TAF7L: variants seen among roughly 807,000 people sequenced by gnomAD.
TAF7L encodes transcription initiation factor TFIID subunit 7-like.
Under a neutral mutation model 30.2 loss-of-function variants are expected in TAF7L, and 6 were observed. That is an observed-to-expected ratio of 0.20 (90% CI 0.11 to 0.39). TAF7L has a LOEUF of 0.39. TAF7L is among the 10% of genes least tolerant of loss of function. The pLI is 1.00. For synonymous variants in TAF7L, 93 were observed against 94.5 expected, an observed-to-expected ratio of 0.98 and a Z score of 0.09; for missense variants, 284 against 277.1, an observed-to-expected ratio of 1.03 and a Z score of -0.18.
intron 3 of TAF7L, 27 bp from the exon 4 acceptor site, chrX:101,283,610 A>G (rs372018977): frequency 8.3e-7 from 1 of 1,206,162 alleles, no homozygotes; most frequent in South Asian, 1.8e-5. Context: ...ATTAAAGTTG[A>G]TATCTTCCCA....
intron 2 of TAF7L, 82 bp from the exon 3 acceptor site, chrX:101,286,735 C>G (rs1440729519): frequency 7.0e-6 from 5 of 716,345 alleles, no homozygotes; most frequent in Non-Finnish European, 8.3e-6. Flanking sequence ...AAAGAAAGCC[C>G]TCCCTTAAAT....
rs368056727 is a variant in TAF7L, at chrX:101,277,451, C to CAAAAAAAAAAAAAAA, written c.691+140_691+154dup. On this transcript the variant is annotated intron_variant, in intron 9 of 12. Coordinates refer to ENST00000356784, the MANE Select transcript of TAF7L (RefSeq NM_001168474.2). ...TGGGCGACAGAGCAAGACTCCATCTCAAAAAAAAAAAAAAAAAAAGAGGGA... is the reference window on the plus strand; with the variant it reads ...TGGGCGACAGAGCAAGACTCCATCTCAAAAAAAAAAAAAAAAAAAAAAAAAAAAAAAAAAGAGGGA... Among the ~76,000 whole-genome samples the CAAAAAAAAAAAAAAA allele has an allele frequency of 2.0e-3, 82 of 40,407 alleles. 2 individuals are homozygous for CAAAAAAAAAAAAAAA. Among genetic ancestry groups the CAAAAAAAAAAAAAAA allele is most frequent in the African/African-American group, 8.0e-3 (80 of 10,031 alleles). 35.1% of individuals were successfully genotyped at this position (40,407 alleles called of 115,157 possible). A position where few individuals can be genotyped will look rare whatever the true frequency, so the allele number is the denominator to read the frequency against.
intron 6 of TAF7L, 71 bp from the exon 7 acceptor site, chrX:101,279,106 C>T: frequency 4.5e-6 from 4 of 890,432 alleles, no homozygotes; most frequent in Non-Finnish European, 4.8e-6. Flanking sequence ...AAGAGCTCTA[C>T]AACTATCCTT....
rs1923858758 is a variant in TAF7L at position 101,268,377 on chromosome X, G to A, written c.*816C>T. ...GTCTTCATAGGCATTATGGCATCTT[G>A]TTCTTCCTAACCTTAACTGATGAGG... On this transcript the variant is annotated 3_prime_UTR_variant, in exon 13 of 13. Transcript: ENST00000356784. 2 of 112,279 alleles carry A rather than the reference G, an allele frequency of 1.8e-5. No homozygotes were observed. Among genetic ancestry groups the A allele is most frequent in the East Asian group, 5.6e-4 (2 of 3,562 alleles). 9.3% of individuals were successfully genotyped at this position (112,279 alleles called of 1,213,427 possible).
At chrX:101,290,520 G>C (rs1238470286) in intron 1 of TAF7L, among the ~76,000 whole-genome samples, 1 of 111,774 alleles carries the variant, frequency 8.9e-6, no homozygotes, top group Non-Finnish European at 1.9e-5. Flanking sequence ...GTAACTTTTA[G>C]ATTTCTCAGC....
intron 3 of TAF7L, among the ~76,000 whole-genome samples, chrX:101,286,231 C>T (rs961412525): frequency 9.2e-6 from 1 of 108,830 alleles, no homozygotes; most frequent in African/African-American, 3.3e-5. Flanking sequence ...AAATACATGT[C>T]ACCTTTATAA....
At chrX:101,292,260 A>AAAG (rs1555970315), upstream of TAF7L, among the ~76,000 whole-genome samples, 1 of 65,437 alleles carries the variant, frequency 1.5e-5, no homozygotes, top group African/African-American at 7.6e-5. Flanking sequence ...AATAAATAAA[A>AAAG]AAAATAAATA....
chrX:101,291,254 A>C lies in TAF7L; in HGVS notation c.-33T>G. On this transcript the variant is annotated 5_prime_UTR_variant, in exon 1 of 13. Coordinates refer to ENST00000356784, the MANE Select transcript of TAF7L (RefSeq NM_001168474.2). ...CCTCCGGGAACTGGCGCCGACACCGAAAAGGCTGGGACCTGCGTCTCTGGT... is the reference window on the plus strand; with the variant it reads ...CCTCCGGGAACTGGCGCCGACACCGCAAAGGCTGGGACCTGCGTCTCTGGT... The C allele has an allele frequency of 4.0e-6, 3 of 754,024 alleles. No homozygotes were observed. The highest frequency in any genetic ancestry group is 4.7e-6 in the Non-Finnish European group (3 of 639,001). 62.1% of individuals were successfully genotyped at this position (754,024 alleles called of 1,213,427 possible).
intron 1 of TAF7L, among the ~76,000 whole-genome samples, chrX:101,289,871 G>C (rs6621029): frequency 0.23 from 25,612 of 109,018 alleles, 2,593 homozygotes; most frequent in Admixed American, 0.36. Flanking sequence ...TTGTGGGCAT[G>C]AGCCACTGTG....
chrX:101,277,814 T>TAGTCCAAC lies in TAF7L; in HGVS notation c.578-103_578-96dup. 1.4e-5 allele frequency: 9 copies of TAGTCCAAC among 650,915 alleles called. No homozygotes were observed. In the South Asian group the frequency reaches 2.0e-4, roughly 15 times the overall value. The allele number at this position is 650,915 out of a possible 1,213,427, so 53.6% of individuals were successfully genotyped here. A position where few individuals can be genotyped will look rare whatever the true frequency, so the allele number is the denominator to read the frequency against. On this transcript the variant is annotated intron_variant, in intron 8 of 12. Coordinates refer to ENST00000356784, the MANE Select transcript of TAF7L (RefSeq NM_001168474.2). ...CTTTGGCTAACAGTGCTATTTAATT[T>TAGTCCAAC]AGTCCAACTTTAGGCCATTTGTATT...
Position 101,284,611 on chromosome X carries a change from C to T in TAF7L, c.146-1028G>A, listed in dbSNP as rs1430915716. Among the ~76,000 whole-genome samples the T allele has an allele frequency of 2.7e-5, 3 of 111,957 alleles. No individual in the cohort carries two copies. The East Asian group carries it at 8.4e-4, about 31-fold the overall frequency. The stretch of plus-strand genomic sequence containing the variant: ...AACTCCTGACCTCAAGTGATCCGCC[C>T]GCCTCAGCCTCCCAAAGAGCTGGGA... On this transcript the variant is annotated intron_variant, in intron 3 of 12. Coordinates refer to ENST00000356784, the MANE Select transcript of TAF7L (RefSeq NM_001168474.2).
At chrX:101,283,675 T>A in intron 3 of TAF7L, 92 bp from the exon 4 acceptor site, 3 of 973,686 alleles carry the variant, frequency 3.1e-6, no homozygotes, top group Non-Finnish European at 4.2e-6. Flanking sequence ...TGGGACAGAT[T>A]AGTCTTTCCA....
intron 9 of TAF7L, 63 bp downstream of exon 9, chrX:101,277,543 T>G: frequency 1.9e-6 from 1 of 539,125 alleles, no homozygotes. Flanking sequence ...TTATGGAAAA[T>G]GATCTGATAC....
intron 3 of TAF7L, 89 bp from the exon 4 acceptor site, chrX:101,283,672 G>C: frequency 4.1e-6 from 4 of 986,297 alleles, no homozygotes; most frequent in Non-Finnish European, 5.6e-6. Context: ...ATGTGGGACA[G>C]ATTAGTCTTT....
In TAF7L at chrX:101,276,416, G is replaced by C; in HGVS notation, c.804C>G (p.Asp268Glu). Residue 268 changes from aspartate (D) to glutamate (E), a missense_variant, in exon 10 of 13, where the codon GAC (aspartate) becomes GAG (glutamate). Coordinates refer to ENST00000356784, the MANE Select transcript of TAF7L (RefSeq NM_001168474.2). ...DEDEDEDEDE[D>E]KEEEEEDCSE... ...AACAATCTTCCTCCTCCTCTTCTTT[G>C]TCTTCATCTTCATCCTCATCCTCAT... 7 of 1,202,649 alleles carry C rather than the reference G, an allele frequency of 5.8e-6. No individual in the cohort carries two copies. The highest frequency in any genetic ancestry group is 6.7e-6 in the Non-Finnish European group (6 of 891,231).
At chrX:101,273,861 T>TA (rs1240428104) in intron 12 of TAF7L, among the ~76,000 whole-genome samples, 35 of 112,191 alleles carry the variant, frequency 3.1e-4, no homozygotes, top group Non-Finnish European at 5.6e-5. Flanking sequence ...TGCCTGGACT[T>TA]AATCCTTCCG....
chrX:101,279,068 T>G, intron 6 of TAF7L, 33 bp from the exon 7 acceptor site: 1 of 1,097,356 alleles, frequency 9.1e-7, no homozygotes, highest in Non-Finnish European at 1.3e-6. Flanking sequence ...CAAGTTATAT[T>G]ATGATACCTA....
intron 12 of TAF7L, among the ~76,000 whole-genome samples, chrX:101,271,502 C>T (rs192208307): frequency 1.5e-3 from 164 of 111,045 alleles, no homozygotes; most frequent in African/African-American, 5.3e-3. Context: ...AAAAGGTAAA[C>T]TAAAAATACA....
chrX:101,278,663 G>A (rs1322376028), intron 7 of TAF7L, among the ~76,000 whole-genome samples: 1 of 112,168 alleles, frequency 8.9e-6, no homozygotes, highest in Non-Finnish European at 1.9e-5. Flanking sequence ...ATTTTGATGG[G>A]GAATAAGCAA....
Sources: allele counts gnomAD v4.1 joint callset (sites outside exome capture counted in the v4.1 genomes callset), GRCh38; gene constraint gnomAD v4.1.1; transcripts MANE v1.5; gene names NCBI Gene and HGNC (gene_info 2026-07-23, HGNC 2026-07-21).